The following FBXO11 variants were observed in gnomAD, a reference collection of about 807,000 sequenced individuals.
The protein encoded by FBXO11 is F-box protein 11, also known as F-box only protein 11.
In FBXO11, 13 loss-of-function variants were observed where a neutral mutation model predicts 117.0. The ratio of observed to expected loss-of-function variants is 0.11; its 90% CI spans 0.07 to 0.18. The LOEUF (loss-of-function observed/expected upper bound fraction) is 0.18. FBXO11 is among the 10% of genes least tolerant of loss of function. FBXO11 has a pLI of 1.00. For missense variants in FBXO11, 767 were observed against 1,164.4 expected (o/e 0.66, Z 4.97); for synonymous variants, 490 against 380.5 (o/e 1.29, Z -3.35).
chr2:47,835,524 A>G (rs1281300656), intron 5 of FBXO11, among the ~76,000 whole-genome samples: 1 of 151,932 alleles, frequency 6.6e-6, no homozygotes, highest in Non-Finnish European at 1.5e-5. Context: ...CTGAGACAAG[A>G]GTCTCACTCT....
chr2:47,876,170 C>T (rs1039315021), intron 1 of FBXO11, among the ~76,000 whole-genome samples: 1 of 152,166 alleles, frequency 6.6e-6, no homozygotes, highest in Admixed American at 6.5e-5. Flanking sequence ...GTAAAATACC[C>T]TGAAGTTGGT....
At chr2:47,839,338 C>A in intron 3 of FBXO11, 81 bp downstream of exon 3, 4 of 1,283,304 alleles carry the variant, frequency 3.1e-6, no homozygotes, top group Non-Finnish European at 4.4e-6. Context: ...TACTCGAATA[C>A]ACTTAATTTT....
intron 1 of FBXO11, among the ~76,000 whole-genome samples, chr2:47,885,042 G>A (rs1676716476): frequency 6.6e-6 from 1 of 152,160 alleles, no homozygotes; most frequent in South Asian, 2.1e-4. Context: ...TCAGGACAGT[G>A]AATAAGATGA....
chr2:47,819,626 A>G (rs1317600900), intron 14 of FBXO11, among the ~76,000 whole-genome samples: 3 of 152,212 alleles, frequency 2.0e-5, no homozygotes, highest in South Asian at 4.1e-4. Context: ...GTAGCATTCA[A>G]TTTTCTTTAG....
At chr2:47,809,041 A>T (rs1334625992) in intron 21 of FBXO11, 117 bp downstream of exon 21, 1 of 612,626 alleles carries the variant, frequency 1.6e-6, no homozygotes, top group Non-Finnish European at 2.9e-6. Context: ...TTGATGATAA[A>T]ATTTTCAGTT....
chr2:47,885,936 A>G (rs1370457303), intron 1 of FBXO11, among the ~76,000 whole-genome samples: 1 of 151,804 alleles, frequency 6.6e-6, no homozygotes, highest in Non-Finnish European at 1.5e-5. Flanking sequence ...AGTCCTTCCA[A>G]ACCATTTCAA....
intron 1 of FBXO11, among the ~76,000 whole-genome samples, chr2:47,842,334 A>C (rs1030046440): frequency 3.3e-5 from 5 of 152,282 alleles, no homozygotes; most frequent in African/African-American, 9.6e-5. Flanking sequence ...TATAATTAGA[A>C]TGGGAAACAT....
intron 1 of FBXO11, among the ~76,000 whole-genome samples, chr2:47,854,471 T>G (rs1456603120): frequency 6.6e-6 from 1 of 151,880 alleles, no homozygotes; most frequent in African/African-American, 2.4e-5. Context: ...AAGAAAACTA[T>G]GAATACTGGG....
chr2:47,837,548 AT>A (rs1047924193), intron 4 of FBXO11, among the ~76,000 whole-genome samples: 36 of 152,146 alleles, frequency 2.4e-4, no homozygotes, highest in Admixed American at 1.4e-3. Flanking sequence ...AAAAACATAT[AT>A]ATATATGGTG....
intron 1 of FBXO11, among the ~76,000 whole-genome samples, chr2:47,859,376 G>A (rs1318926869): frequency 6.6e-6 from 1 of 152,110 alleles, no homozygotes; most frequent in Non-Finnish European, 1.5e-5. Flanking sequence ...TCATGATATT[G>A]GAGTTAAGAC....
At chr2:47,839,909 A>AT (rs1402596067) in intron 1 of FBXO11, 140 bp from the exon 2 acceptor site, 3 of 655,732 alleles carry the variant, frequency 4.6e-6, no homozygotes, top group Non-Finnish European at 7.4e-6. Flanking sequence ...CTGGATAGCT[A>AT]TATGAAAGAA....
rs1317161789 is a variant in FBXO11 at position 47,892,596 on chromosome 2, C to G, written c.232+12893G>C. Among the ~76,000 whole-genome samples, 12 of 152,182 alleles carry G rather than the reference C, an allele frequency of 7.9e-5. 1 individual carries two copies. In the South Asian group the frequency reaches 1.9e-3, roughly 24 times the overall value. On this transcript the variant is annotated intron_variant, in intron 1 of 22. Transcript: ENST00000403359. ...AATCAGAAAGATTCATAAAGGCATC[C>G]TGGGAGTTACAACTACTGCTTGCTA...
At chr2:47,827,987 C>T (rs151002844) in intron 11 of FBXO11, among the ~76,000 whole-genome samples, 67 of 151,976 alleles carry the variant, frequency 4.4e-4, no homozygotes, top group African/African-American at 1.5e-3. Flanking sequence ...CTACCAAGCC[C>T]GGCTGAAAAA....
At chr2:47,874,021 T>G (rs987642133) in intron 1 of FBXO11, among the ~76,000 whole-genome samples, 9 of 152,068 alleles carry the variant, frequency 5.9e-5, no homozygotes, top group African/African-American at 2.2e-4. Flanking sequence ...GAGACCAGCC[T>G]GGCCAACATA....
intron 1 of FBXO11, among the ~76,000 whole-genome samples, chr2:47,877,949 C>T (rs970060305): frequency 2.0e-5 from 3 of 152,184 alleles, no homozygotes; most frequent in Non-Finnish European, 2.9e-5. Flanking sequence ...TCCCAAAGTG[C>T]TGGGATTACA....
intron 1 of FBXO11, among the ~76,000 whole-genome samples, chr2:47,846,473 A>T (rs1572835639): frequency 6.6e-6 from 1 of 152,174 alleles, no homozygotes; most frequent in African/African-American, 2.4e-5. Flanking sequence ...TTCAAAAAAA[A>T]ATTTTTTTTT....
intron 1 of FBXO11, among the ~76,000 whole-genome samples, chr2:47,855,337 G>A (rs1674202437): frequency 6.6e-6 from 1 of 151,970 alleles, no homozygotes; most frequent in South Asian, 2.1e-4. Context: ...TTAAGTAGCT[G>A]GGACCAAAGG....
At chr2:47,891,059 A>T (rs181097190) in intron 1 of FBXO11, among the ~76,000 whole-genome samples, 3 of 151,914 alleles carry the variant, frequency 2.0e-5, no homozygotes, top group Non-Finnish European at 4.4e-5. Flanking sequence ...CCCGGGCTCA[A>T]GCGATCCTCC....
chr2:47,884,534 CTT>C (rs1184197956), intron 1 of FBXO11, among the ~76,000 whole-genome samples: 1 of 152,102 alleles, frequency 6.6e-6, no homozygotes, highest in African/African-American at 2.4e-5. Context: ...CATTTTTCCT[CTT>C]TATGATTTCT....
Sources: gnomAD v4.1 joint callset for allele counts (sites outside exome capture counted in the v4.1 genomes callset) on GRCh38, gnomAD v4.1.1 for gene constraint, MANE v1.5 for transcripts, NCBI Gene and HGNC (gene_info 2026-07-23, HGNC 2026-07-21) for gene names.